LRRC63: variants seen among roughly 807,000 people sequenced by gnomAD.
LRRC63 encodes the protein leucine-rich repeat-containing protein 63.
Under a neutral mutation model 49.5 loss-of-function variants are expected in LRRC63, and 40 were observed. That is an observed-to-expected ratio of 0.81 (90% CI 0.63 to 1.05). The LOEUF (loss-of-function observed/expected upper bound fraction) is 1.05. LRRC63 is among the 50% of genes least tolerant of loss of function. The pLI, the probability that LRRC63 is intolerant of heterozygous loss-of-function variation, is 0.00. For synonymous variants in LRRC63, 191 were observed against 221.1 expected, an observed-to-expected ratio of 0.86 and a Z score of 1.21; for missense variants, 636 against 663.1, an observed-to-expected ratio of 0.96 and a Z score of 0.45.
chr13:46,213,056 C>T, exon 2 of LRRC63: 1 of 1,549,378 alleles, frequency 6.5e-7, no homozygotes, highest in Non-Finnish European at 8.7e-7. Context: ...CCCACTGCTT[C>T]TTCGAAGACC....
chr13:46,224,141 A>G (rs933654703), intron 2 of LRRC63, among the ~76,000 whole-genome samples: 7 of 152,180 alleles, frequency 4.6e-5, no homozygotes, highest in Admixed American at 6.5e-5. Context: ...ATTTAATTAC[A>G]TAGGTTTTAT....
At chr13:46,218,654 C>T (rs540763208) in intron 2 of LRRC63, among the ~76,000 whole-genome samples, 1 of 152,224 alleles carries the variant, frequency 6.6e-6, no homozygotes, top group East Asian at 1.9e-4. Flanking sequence ...ATGATGCTAG[C>T]TGGTTATTTT....
chr13:46,221,422 G>C (rs1007936302), intron 2 of LRRC63, among the ~76,000 whole-genome samples: 1 of 152,118 alleles, frequency 6.6e-6, no homozygotes, highest in African/African-American at 2.4e-5. Flanking sequence ...AGTAGATCCT[G>C]TTCACTTAGA....
chr13:46,264,432 A>AG (rs1292536525), intron 8 of LRRC63, among the ~76,000 whole-genome samples: 7 of 148,444 alleles, frequency 4.7e-5, no homozygotes, highest in African/African-American at 1.8e-4. Context: ...TTATTTATTT[A>AG]TTTATTTAGT....
intron 2 of LRRC63, among the ~76,000 whole-genome samples, chr13:46,217,316 CT>C (rs2046279703): frequency 6.6e-6 from 1 of 152,178 alleles, no homozygotes; most frequent in Admixed American, 6.5e-5. Context: ...AGGGACTCGA[CT>C]TCTTCCTGGT....
intron 2 of LRRC63, among the ~76,000 whole-genome samples, chr13:46,219,879 G>A (rs181611335): frequency 1.3e-5 from 2 of 152,150 alleles, no homozygotes; most frequent in Non-Finnish European, 2.9e-5. Flanking sequence ...AGGTCTGCTG[G>A]AGTTTGCTGA....
At chr13:46,252,585 C>A (rs145101893) in intron 7 of LRRC63, among the ~76,000 whole-genome samples, 2,314 of 152,028 alleles carry the variant, frequency 0.015, 75 homozygotes, top group African/African-American at 0.052. Flanking sequence ...TGGAGATGTA[C>A]ACAGTAAAAT....
intron 2 of LRRC63, among the ~76,000 whole-genome samples, chr13:46,225,476 G>A (rs891344297): frequency 2.0e-5 from 3 of 152,186 alleles, no homozygotes; most frequent in East Asian, 1.9e-4. Context: ...AGACTCTTCC[G>A]CCGGTGGGAG....
intron 8 of LRRC63, among the ~76,000 whole-genome samples, chr13:46,264,023 G>A (rs548035928): frequency 1.9e-4 from 29 of 152,296 alleles, no homozygotes; most frequent in African/African-American, 6.7e-4. Flanking sequence ...GAGTGGACAA[G>A]CTTTCATTCA....
chr13:46,241,032 G>A (rs2047046731), intron 5 of LRRC63, among the ~76,000 whole-genome samples: 1 of 152,136 alleles, frequency 6.6e-6, no homozygotes, highest in Admixed American at 6.5e-5. Flanking sequence ...GCCAAGGCAA[G>A]CCTAAGCAAA....
chr13:46,229,232 A>AT (rs1339499955), intron 4 of LRRC63, among the ~76,000 whole-genome samples: 1 of 152,210 alleles, frequency 6.6e-6, no homozygotes, highest in Non-Finnish European at 1.5e-5. Flanking sequence ...TATTAGAATT[A>AT]TTGGGCACAT....
intron 4 of LRRC63, among the ~76,000 whole-genome samples, chr13:46,229,072 C>T (rs1307916150): frequency 6.6e-6 from 1 of 152,020 alleles, no homozygotes. Flanking sequence ...ATTATACCAT[C>T]CTAGATGTTA....
At chr13:46,222,472 T>C (rs1187189756) in intron 2 of LRRC63, among the ~76,000 whole-genome samples, 2 of 152,242 alleles carry the variant, frequency 1.3e-5, no homozygotes, top group African/African-American at 4.8e-5. Flanking sequence ...TTTCATTCTT[T>C]TGAATATGGC....
chr13:46,258,143 T>G (rs1005369717), intron 7 of LRRC63, among the ~76,000 whole-genome samples: 1 of 150,248 alleles, frequency 6.7e-6, no homozygotes, highest in African/African-American at 2.5e-5. Flanking sequence ...TTTTTTTTTT[T>G]TTTGAGACGG....
chr13:46,234,350 G>A lies in LRRC63; in HGVS notation c.990+1G>A, dbSNP rs905464062. The A allele has an allele frequency of 1.3e-6, 2 of 1,549,086 alleles. No individual in the cohort carries two copies. The highest frequency in any genetic ancestry group is 1.2e-5 in the South Asian group (1 of 83,902). On this transcript the variant is annotated splice_donor_variant, in intron 5 of 9. Transcript: ENST00000595396. LOFTEE classifies it high-confidence loss of function. ...TGGGAGAAATGCACTTAATCTGAAG[G>A]TATGCTAGATCTTTTTAATGACAGT...
chr13:46,276,589 G>C lies in LRRC63; in HGVS notation c.1551-1G>C, dbSNP rs2047840356. 3 of 1,224,098 alleles carry C rather than the reference G, an allele frequency of 2.5e-6. No homozygotes were observed. Among genetic ancestry groups the C allele is most frequent in the South Asian group, 4.1e-5 (1 of 24,188 alleles). 75.8% of individuals were successfully genotyped at this position (1,224,098 alleles called of 1,614,324 possible). A position where few individuals can be genotyped will look rare whatever the true frequency, so the allele number is the denominator to read the frequency against. ...TTGACTTGCTGTTTCCTCCATTTCA[G>C]CACATCCAGGTGTGAATGGTGTCAT... On this transcript the variant is annotated splice_acceptor_variant, in intron 9 of 9. Transcript: ENST00000595396. LOFTEE classifies it high-confidence loss of function.
intron 7 of LRRC63, among the ~76,000 whole-genome samples, chr13:46,258,678 T>G (rs946742445): frequency 3.3e-5 from 5 of 150,372 alleles, no homozygotes; most frequent in South Asian, 2.1e-4. Flanking sequence ...CATGGTGGCG[T>G]GTGCCTGTAA....
At chr13:46,218,362 G>T (rs534455365) in intron 2 of LRRC63, among the ~76,000 whole-genome samples, 1 of 152,062 alleles carries the variant, frequency 6.6e-6, no homozygotes, top group Admixed American at 6.6e-5. Flanking sequence ...GCCCTCCTTT[G>T]TCTCTTTTGA....
chr13:46,257,916 T>C (rs1272839007), intron 7 of LRRC63, among the ~76,000 whole-genome samples: 5 of 149,454 alleles, frequency 3.3e-5, no homozygotes, highest in African/African-American at 2.6e-5. Flanking sequence ...AATATGCATA[T>C]ATTTTTTTTC....
Sources: allele counts gnomAD v4.1 joint callset (sites outside exome capture counted in the v4.1 genomes callset), GRCh38; gene constraint gnomAD v4.1.1; transcripts MANE v1.5; gene names NCBI Gene and HGNC (gene_info 2026-07-23, HGNC 2026-07-21).